The following ZNF57 variants were observed in gnomAD, a reference collection of about 807,000 sequenced individuals.
ZNF57 encodes zinc finger protein 57, also known as zinc finger protein 424.
A neutral mutation model predicts 13.4 loss-of-function variants in ZNF57; 11 were observed. The ratio of observed to expected loss-of-function variants is 0.82; its 90% confidence interval spans 0.52 to 1.36. The LOEUF (loss-of-function observed/expected upper bound fraction) is 1.36. Among genes scored for constraint, ZNF57 ranks in the 40% most tolerant of loss-of-function variants. The probability of loss-of-function intolerance (pLI) is 0.00; values close to 1 mark genes in which losing one functional copy is unlikely to be tolerated. For synonymous variants in ZNF57, 224 were observed against 238.5 expected (o/e 0.94, Z 0.56); for missense variants, 696 against 667.5 (o/e 1.04, Z -0.47).
At chr19:2,909,283 T>TTTA (rs2088110000) in intron 1 of ZNF57, among the ~76,000 whole-genome samples, 1 of 116,440 alleles carries the variant, frequency 8.6e-6, no homozygotes, top group African/African-American at 3.0e-5. Flanking sequence ...TTATTTTTGT[T>TTTA]TTTTTTTTTT....
rs1375481889 is a variant in ZNF57 at position 2,917,654 on chromosome 19, T to C, written c.1033T>C (p.Phe345Leu). ...LYKCEHCGKA[F>L]TSSRSFQGHL... ...TAAATGTGAACACTGTGGGAAGGCT[T>C]TTACCTCTTCCAGATCATTCCAAGG... is the stretch of plus-strand genomic sequence containing the variant. The change falls in exon 4 of 4, where the codon TTT (phenylalanine) becomes CTT (leucine). Residue 345 changes from phenylalanine to leucine, a missense_variant. Phe to Leu is a conservative substitution (Grantham distance 22, BLOSUM62 0). Coordinates refer to ENST00000306908, the MANE Select transcript of ZNF57 (RefSeq NM_173480.3). 11 of 1,613,872 alleles carry C rather than the reference T, an allele frequency of 6.8e-6. No homozygotes were observed. Among genetic ancestry groups the C allele is most frequent in the African/African-American group, 1.3e-5 (1 of 74,910 alleles).
intron 1 of ZNF57, among the ~76,000 whole-genome samples, 168 bp downstream of exon 1, chr19:2,901,216 C>T: frequency 7.3e-6 from 1 of 136,100 alleles, no homozygotes; most frequent in African/African-American, 2.7e-5. Flanking sequence ...GGCTGGAGGA[C>T]TGGGGGCAGT....
intron 1 of ZNF57, chr19:2,906,987 T>A (rs1182648853): frequency 6.7e-6 from 1 of 148,910 alleles, no homozygotes; most frequent in Admixed American, 6.8e-5. Flanking sequence ...GGTCTGAGAT[T>A]CCCTGAGGCT....
At position 2,915,317 on chromosome 19, in the gene ZNF57, A is replaced by T; in HGVS notation, c.4-205A>T. ...AGAGGAAAATAAGAGCAGTCGCAGT[A>T]AAAAGGCAGAGATAAGTTCAGACTG... On this transcript the variant is annotated intron_variant, in intron 1 of 3. Coordinates refer to ENST00000306908, the MANE Select transcript of ZNF57 (RefSeq NM_173480.3). 7.1e-6 allele frequency: 4 copies of T among 561,318 alleles called. 1 individual carries two copies. The highest frequency in any genetic ancestry group is 5.1e-5 in the South Asian group (2 of 39,212). The allele number at this position is 561,318 out of a possible 1,614,324, so 34.8% of individuals were successfully genotyped here.
chr19:2,916,883 CTAAACATACCATACATAA>C, intron 3 of ZNF57, 23 bp from the exon 4 acceptor site: 1 of 1,502,174 alleles, frequency 6.7e-7, no homozygotes, highest in Non-Finnish European at 9.0e-7. Flanking sequence ...CACATCATTA[CTAAACATACCATACATAA>C]AAATGTCTCT....
Position 2,917,514 on chromosome 19 carries a change from A to G in ZNF57, c.893A>G (p.His298Arg). ...ACTTACCCCCAGGCTTTTCAAAGACATGAGAAGACGCACACGGGAGAGAAG... is the reference window on the plus strand; with the variant it reads ...ACTTACCCCCAGGCTTTTCAAAGACGTGAGAAGACGCACACGGGAGAGAAG... The part of the protein sequence containing the change: ...AFTYPQAFQR[H>R]EKTHTGEKPY... The change falls in exon 4 of 4, where the codon CAT (histidine) becomes CGT (arginine). Residue 298 changes from histidine to arginine, a missense_variant. By Grantham distance (29) the His-to-Arg change is conservative. This residue lies in a region of ZNF57 where 645 missense variants were observed against 591.5 expected (regional missense o/e 1.09). Coordinates refer to ENST00000306908, the MANE Select transcript of ZNF57 (RefSeq NM_173480.3). The G allele has an allele frequency of 6.2e-7, 1 of 1,613,830 alleles. No individual in the cohort carries two copies. Among genetic ancestry groups the G allele is most frequent in the South Asian group, 1.1e-5 (1 of 91,024 alleles).
At chr19:2,904,686 C>T (rs111229809) in intron 1 of ZNF57, among the ~76,000 whole-genome samples, 1,646 of 152,214 alleles carry the variant, frequency 0.011, 30 homozygotes, top group African/African-American at 0.038. Context: ...TGGTTACAGG[C>T]ATGTGCCACC....
rs1393844042 is a variant in ZNF57, at chr19:2,917,874, A to T, written c.1253A>T (p.Lys418Met). ...CATTTGAGGACGCACACTGGAGAGA[A>T]GCCTTATGAGTGTAAACAATGTGGA... The part of the protein sequence containing the change: ...RGHLRTHTGE[K>M]PYECKQCGKT... The change falls in exon 4 of 4, where the codon AAG becomes ATG. Residue 418 changes from lysine (K) to methionine (M), a missense_variant. Physicochemically the swap from Lys to Met is moderately conservative, Grantham distance 95. Coordinates refer to ENST00000306908, the MANE Select transcript of ZNF57 (RefSeq NM_173480.3). The T allele has an allele frequency of 6.2e-7, 1 of 1,611,894 alleles. No individual in the cohort carries two copies. Among genetic ancestry groups the T allele is most frequent in the Non-Finnish European group, 8.5e-7 (1 of 1,179,202 alleles).
chr19:2,915,846 C>T (rs2088187660), intron 2 of ZNF57, 198 bp downstream of exon 2: 12 of 1,012,012 alleles, frequency 1.2e-5, no homozygotes, highest in African/African-American at 3.2e-5. Context: ...GTTTAAAGGA[C>T]TTGAAGTTCC....
rs951127396 is a variant in ZNF57, at chr19:2,900,928, C to G, written c.-118C>G. On this transcript the variant is annotated 5_prime_UTR_variant, in exon 1 of 4. Transcript: ENST00000306908. ...GGCCCCGAGGGCGGGACGTTTCGTC[C>G]TCCCTGCCGCGCGTGCCCTGCCTAC... is the stretch of plus-strand genomic sequence containing the variant. 12 of 1,344,142 alleles carry G rather than the reference C, an allele frequency of 8.9e-6. No homozygotes were observed. The highest frequency in any genetic ancestry group is 2.4e-5 in the Admixed American group (1 of 41,896). 83.3% of individuals were successfully genotyped at this position (1,344,142 alleles called of 1,614,324 possible).
In ZNF57 at chr19:2,917,429, C is replaced by T. The variant is rs140133843; in HGVS notation, c.808C>T (p.His270Tyr). Residue 270 changes from histidine (H) to tyrosine (Y), a missense_variant, in exon 4 of 4, where the codon CAC (histidine) becomes TAC (tyrosine). His to Tyr is a moderately conservative substitution (Grantham distance 83). Coordinates refer to ENST00000306908, the MANE Select transcript of ZNF57 (RefSeq NM_173480.3). ...AFIYPSTFQRHMTTHTGEKPY... is the reference protein window; with the variant it reads ...AFIYPSTFQRYMTTHTGEKPY... ...CATTTATCCCTCGACATTTCAAAGA[C>T]ACATGACAACACACACTGGAGAGAA... 44 of 1,614,068 alleles carry T rather than the reference C, an allele frequency of 2.7e-5. No individual in the cohort carries two copies. The highest frequency in any genetic ancestry group is 3.6e-5 in the Non-Finnish European group (42 of 1,180,052).
Position 2,917,622 on chromosome 19 carries a change from A to T in ZNF57, c.1001A>T (p.Lys334Ile). Residue 334 changes from lysine (K) to isoleucine (I), a missense_variant, in exon 4 of 4, where the codon AAA becomes ATA. Transcript: ENST00000306908. ...RVHMRIHTGDKLYKCEHCGKA... is the reference protein window; with the variant it reads ...RVHMRIHTGDILYKCEHCGKA... Reference sequence around the variant, plus strand: ...CACATGAGGATCCACACTGGGGACAAACTCTATAAATGTGAACACTGTGGG... The same window carrying T: ...CACATGAGGATCCACACTGGGGACATACTCTATAAATGTGAACACTGTGGG... 6.2e-7 allele frequency: 1 copy of T among 1,613,768 alleles called. No homozygotes were observed. Among genetic ancestry groups the T allele is most frequent in the Non-Finnish European group, 8.5e-7 (1 of 1,179,776 alleles).
At chr19:2,901,501 G>C (rs1221661286) in intron 1 of ZNF57, among the ~76,000 whole-genome samples, 2 of 148,624 alleles carry the variant, frequency 1.3e-5, no homozygotes, top group Non-Finnish European at 3.0e-5. Flanking sequence ...AGGGTGATGG[G>C]ATTATTATTG....
chr19:2,906,861 C>A (rs536579740), intron 1 of ZNF57, among the ~76,000 whole-genome samples: 1 of 152,140 alleles, frequency 6.6e-6, no homozygotes, highest in Non-Finnish European at 1.5e-5. Context: ...AGGGCAGCTC[C>A]GGGCAGAGAG....
chr19:2,918,375 A>C lies in ZNF57; in HGVS notation c.*86A>C. 1 of 1,409,988 alleles carries C rather than the reference A, an allele frequency of 7.1e-7. No individual in the cohort carries two copies. Among genetic ancestry groups the C allele is most frequent in the Non-Finnish European group, 9.6e-7 (1 of 1,047,028 alleles). 87.3% of individuals were successfully genotyped at this position (1,409,988 alleles called of 1,614,324 possible). The stretch of plus-strand genomic sequence containing the variant: ...AAATTCACACCAGGAGAGAAATCTT[A>C]CAAGTATGATATTGTCTTTGTCAAT... On this transcript the variant is annotated 3_prime_UTR_variant, in exon 4 of 4. Transcript: ENST00000306908.
At chr19:2,903,501 C>G (rs1367204854) in intron 1 of ZNF57, among the ~76,000 whole-genome samples, 1 of 152,110 alleles carries the variant, frequency 6.6e-6, no homozygotes, top group African/African-American at 2.4e-5. Flanking sequence ...CGTGAGCCAC[C>G]GCGCCCGGCC....
At chr19:2,902,001 G>A (rs2088034326) in intron 1 of ZNF57, among the ~76,000 whole-genome samples, 1 of 151,924 alleles carries the variant, frequency 6.6e-6, no homozygotes, top group Non-Finnish European at 1.5e-5. Flanking sequence ...CCTTCACAAG[G>A]GCGCGAGCGT....
chr19:2,909,221 C>T (rs967890254), intron 1 of ZNF57, among the ~76,000 whole-genome samples: 15 of 150,608 alleles, frequency 1.0e-4, no homozygotes, highest in Admixed American at 1.3e-4. Flanking sequence ...GTGGAATTTC[C>T]ATTTGATAAT....
intron 1 of ZNF57, among the ~76,000 whole-genome samples, chr19:2,903,297 C>G (rs574487413): frequency 2.6e-5 from 4 of 152,068 alleles, no homozygotes; most frequent in Non-Finnish European, 2.9e-5. Context: ...TTGTATCATC[C>G]GCCTCCCGGG....
Sources: allele counts gnomAD v4.1 joint callset (sites outside exome capture counted in the v4.1 genomes callset), GRCh38; gene constraint gnomAD v4.1.1; regional missense constraint gnomAD v4.1.1; transcripts MANE v1.5; gene names NCBI Gene and HGNC (gene_info 2026-07-23, HGNC 2026-07-21).